ANKRD45: variants seen among roughly 807,000 people sequenced by gnomAD.
ANKRD45 encodes ankyrin repeat domain-containing protein 45.
ANKRD45 carries 21 observed loss-of-function variants against 28.1 expected under a neutral mutation model. The observed-to-expected ratio is 0.75, with a 90% CI of 0.53 to 1.08. ANKRD45 has a LOEUF of 1.08. Ranked by LOEUF, ANKRD45 falls within the 50% of genes least tolerant of loss-of-function variation. The pLI, the probability that ANKRD45 is intolerant of heterozygous loss-of-function variation, is 0.00. For missense variants in ANKRD45, 261 were observed against 308.7 expected (o/e 0.85, Z 1.16); for synonymous variants, 86 against 103.9 (o/e 0.83, Z 1.05).
chr1:173,631,727 CTGAATGAACAGTG>C (rs1274217571), intron 3 of ANKRD45, among the ~76,000 whole-genome samples: 3 of 152,030 alleles, frequency 2.0e-5, no homozygotes, highest in Admixed American at 1.3e-4. Context: ...CAGTATGCTT[CTGAATGAACAGTG>C]TGTCAATGAA....
At chr1:173,676,342 A>C in the ANKRD45 span, among the ~76,000 whole-genome samples, 1 of 152,248 alleles carries the variant, frequency 6.6e-6, no homozygotes, top group African/African-American at 2.4e-5. Flanking sequence ...TGTTCATAGG[A>C]GTACACTTAA....
At chr1:173,680,224 A>G in the ANKRD45 span, among the ~76,000 whole-genome samples, 98 of 152,344 alleles carry the variant, frequency 6.4e-4, no homozygotes, top group Non-Finnish European at 1.2e-3. Context: ...ATTCTACTAT[A>G]AAGACACATG....
the ANKRD45 span, among the ~76,000 whole-genome samples, chr1:173,694,617 T>C: frequency 1.3e-5 from 2 of 151,518 alleles, no homozygotes; most frequent in Middle Eastern, 3.4e-3. Flanking sequence ...GTTACATGGA[T>C]GAATTGTATA....
the ANKRD45 span, among the ~76,000 whole-genome samples, chr1:173,697,071 T>C: frequency 0.027 from 4,175 of 152,184 alleles, 205 homozygotes; most frequent in African/African-American, 0.096. Context: ...GTTTCAGCAA[T>C]TGAAGATCAA....
upstream of ANKRD45, among the ~76,000 whole-genome samples, chr1:173,673,568 A>G (rs1218988339): frequency 6.6e-6 from 1 of 152,170 alleles, no homozygotes; most frequent in Non-Finnish European, 1.5e-5. Flanking sequence ...TACTGTGTTA[A>G]GTGATTCATA....
intron 5 of ANKRD45, among the ~76,000 whole-genome samples, chr1:173,619,201 C>T (rs1667597926): frequency 6.6e-6 from 1 of 152,190 alleles, no homozygotes; most frequent in African/African-American, 2.4e-5. Flanking sequence ...GTACACAGAC[C>T]AGTGACACTT....
At chr1:173,694,545 T>C in the ANKRD45 span, among the ~76,000 whole-genome samples, 4 of 143,636 alleles carry the variant, frequency 2.8e-5, no homozygotes, top group Admixed American at 6.9e-5. Flanking sequence ...TTATTATTAT[T>C]ATTATTATTA....
At chr1:173,703,924 AAT>A in the ANKRD45 span, among the ~76,000 whole-genome samples, 1 of 152,250 alleles carries the variant, frequency 6.6e-6, no homozygotes, top group African/African-American at 2.4e-5. Flanking sequence ...ACTGCAAGAA[AAT>A]AGATTTCAGT....
upstream of ANKRD45, among the ~76,000 whole-genome samples, chr1:173,670,745 G>T (rs1335793851): frequency 6.6e-6 from 1 of 152,116 alleles, no homozygotes; most frequent in Non-Finnish European, 1.5e-5. Flanking sequence ...AATAATAATT[G>T]GTTGCAGCCA....
At chr1:173,673,301 T>TG (rs1219877927), upstream of ANKRD45, among the ~76,000 whole-genome samples, 4 of 151,854 alleles carry the variant, frequency 2.6e-5, no homozygotes, top group Non-Finnish European at 5.9e-5. Flanking sequence ...TTAGTAGAGA[T>TG]GGGGTTACAC....
intron 3 of ANKRD45, among the ~76,000 whole-genome samples, chr1:173,638,288 A>C (rs879396851): frequency 3.9e-5 from 6 of 152,208 alleles, no homozygotes; most frequent in Non-Finnish European, 7.3e-5. Context: ...TGGGACAGCC[A>C]AGACATCCCC....
At chr1:173,672,381 A>G (rs1034792777), upstream of ANKRD45, among the ~76,000 whole-genome samples, 2 of 152,194 alleles carry the variant, frequency 1.3e-5, no homozygotes, top group Non-Finnish European at 2.9e-5. Context: ...CAGTTTTAAC[A>G]TGCTATTTTT....
At chr1:173,714,619 T>C in the ANKRD45 span, among the ~76,000 whole-genome samples, 17 of 152,180 alleles carry the variant, frequency 1.1e-4, no homozygotes, top group African/African-American at 3.1e-4. Flanking sequence ...ATTAGGAACA[T>C]TGTGCCAAAA....
intron 3 of ANKRD45, chr1:173,637,243 T>C (rs1261523552): frequency 4.3e-6 from 2 of 466,446 alleles, no homozygotes; most frequent in Non-Finnish European, 3.8e-6. Context: ...AGAGAAGAAA[T>C]TGTATACTGT....
chr1:173,707,385 T>A, the ANKRD45 span, among the ~76,000 whole-genome samples: 1 of 152,028 alleles, frequency 6.6e-6, no homozygotes, highest in Non-Finnish European at 1.5e-5. Context: ...CAGGCTGAAG[T>A]GCAGTGGTGC....
intron 3 of ANKRD45, among the ~76,000 whole-genome samples, chr1:173,628,594 C>T (rs1420378854): frequency 1.3e-5 from 2 of 151,956 alleles, no homozygotes; most frequent in Non-Finnish European, 2.9e-5. Flanking sequence ...TCTTATGGCT[C>T]GGGTGCCAGC....
At chr1:173,630,012 T>C (rs1668119911) in intron 3 of ANKRD45, among the ~76,000 whole-genome samples, 2 of 152,272 alleles carry the variant, frequency 1.3e-5, no homozygotes, top group South Asian at 2.1e-4. Flanking sequence ...TGGCATGACA[T>C]ATTTAAAGTG....
At chr1:173,676,071 T>C in the ANKRD45 span, among the ~76,000 whole-genome samples, 10 of 152,242 alleles carry the variant, frequency 6.6e-5, no homozygotes, top group Non-Finnish European at 1.2e-4. Flanking sequence ...GTAAAGGGAC[T>C]GTGTAGAAAA....
At chr1:173,673,523 A>G (rs1398605513), upstream of ANKRD45, among the ~76,000 whole-genome samples, 1 of 152,194 alleles carries the variant, frequency 6.6e-6, no homozygotes, top group Non-Finnish European at 1.5e-5. Flanking sequence ...TTAATGTGCT[A>G]CATCTTGTTG....
Sources: allele counts gnomAD v4.1 joint callset (sites outside exome capture counted in the v4.1 genomes callset), GRCh38; gene constraint gnomAD v4.1.1; transcripts MANE v1.5; gene names NCBI Gene and HGNC (gene_info 2026-07-23, HGNC 2026-07-21).